GRIK2: variants seen among roughly 807,000 people sequenced by gnomAD.
GRIK2 encodes the protein glutamate receptor ionotropic, kainate 2.
Under a neutral mutation model 100.3 loss-of-function variants are expected in GRIK2, and 32 were observed. That is an observed-to-expected ratio of 0.32 (90% CI 0.24 to 0.43). The LOEUF is 0.43. Ranked by LOEUF, GRIK2 falls within the 20% of genes least tolerant of loss-of-function variation. The pLI, the probability that GRIK2 is intolerant of heterozygous loss-of-function variation, is 1.00. For missense variants in GRIK2, 843 were observed against 1,114.9 expected (o/e 0.76, Z 3.47); for synonymous variants, 417 against 389.4 (o/e 1.07, Z -0.83).
At chr6:101,524,999 C>T (rs996976711) in intron 2 of GRIK2, among the ~76,000 whole-genome samples, 1 of 152,118 alleles carries the variant, frequency 6.6e-6, no homozygotes, top group African/African-American at 2.4e-5. Flanking sequence ...TCCCAAAGTG[C>T]TGAGATTACA....
intron 12 of GRIK2, among the ~76,000 whole-genome samples, chr6:101,923,474 A>C (rs992387363): frequency 9.9e-5 from 15 of 152,222 alleles, no homozygotes; most frequent in African/African-American, 3.4e-4. Flanking sequence ...GAACTACATT[A>C]GAGATGTTAA....
intron 15 of GRIK2, among the ~76,000 whole-genome samples, chr6:102,037,924 T>C (rs1437714129): frequency 2.6e-5 from 4 of 151,496 alleles, no homozygotes; most frequent in South Asian, 4.1e-4. Context: ...AATATGTTTT[T>C]TCCTAGGAAA....
At chr6:101,515,913 T>C (rs1448764813) in intron 2 of GRIK2, among the ~76,000 whole-genome samples, 1 of 152,182 alleles carries the variant, frequency 6.6e-6, no homozygotes, top group Non-Finnish European at 1.5e-5. Context: ...AAAAGCTCTT[T>C]AGTTTAATTA....
At chr6:101,497,096 C>A (rs1443694473) in intron 2 of GRIK2, among the ~76,000 whole-genome samples, 1 of 152,202 alleles carries the variant, frequency 6.6e-6, no homozygotes, top group Non-Finnish European at 1.5e-5. Flanking sequence ...CCTTTCCACA[C>A]CCCAAGGTAC....
intron 14 of GRIK2, among the ~76,000 whole-genome samples, chr6:101,941,750 A>G (rs773787530): frequency 2.7e-4 from 41 of 152,158 alleles, no homozygotes; most frequent in Non-Finnish European, 4.9e-4. Flanking sequence ...TAAGCAAAAG[A>G]TCTTTAATTA....
chr6:101,672,154 C>T (rs997488576), intron 4 of GRIK2, among the ~76,000 whole-genome samples: 4 of 152,120 alleles, frequency 2.6e-5, no homozygotes, highest in African/African-American at 9.7e-5. Context: ...TTACCTCCCT[C>T]CCACTGATGA....
intron 14 of GRIK2, among the ~76,000 whole-genome samples, chr6:102,015,948 T>G (rs554362571): frequency 6.6e-6 from 1 of 152,080 alleles, no homozygotes; most frequent in Non-Finnish European, 1.5e-5. Flanking sequence ...TGAACCCACC[T>G]TATATCACAA....
intron 2 of GRIK2, among the ~76,000 whole-genome samples, chr6:101,553,051 G>A (rs1043692570): frequency 1.3e-5 from 2 of 152,104 alleles, no homozygotes; most frequent in Non-Finnish European, 2.9e-5. Context: ...TCATTTAACA[G>A]TCAAGGCCAG....
At chr6:101,645,409 G>C (rs1475392216) in intron 4 of GRIK2, among the ~76,000 whole-genome samples, 1 of 151,630 alleles carries the variant, frequency 6.6e-6, no homozygotes, top group African/African-American at 2.4e-5. Context: ...CTCTTAAGTG[G>C]GAAACTACAA....
At chr6:101,756,669 G>A (rs770026619) in intron 7 of GRIK2, among the ~76,000 whole-genome samples, 7 of 152,006 alleles carry the variant, frequency 4.6e-5, no homozygotes, top group South Asian at 2.1e-4. Flanking sequence ...ACATTCAAGC[G>A]CTCTCTGAAA....
At chr6:102,006,528 T>G (rs996945042) in intron 14 of GRIK2, among the ~76,000 whole-genome samples, 2 of 151,554 alleles carry the variant, frequency 1.3e-5, no homozygotes, top group African/African-American at 4.8e-5. Context: ...CCTCCACTCC[T>G]GGCTAATTTT....
chr6:101,534,038 A>G (rs1775568453), intron 2 of GRIK2, among the ~76,000 whole-genome samples: 1 of 151,962 alleles, frequency 6.6e-6, no homozygotes, highest in Non-Finnish European at 1.5e-5. Flanking sequence ...TACTTACAAA[A>G]GCATCGCAAG....
At chr6:101,842,807 C>G (rs1317667325) in intron 10 of GRIK2, among the ~76,000 whole-genome samples, 1 of 152,046 alleles carries the variant, frequency 6.6e-6, no homozygotes, top group Non-Finnish European at 1.5e-5. Context: ...AGTGTCTGAT[C>G]AACTTTTGAG....
At chr6:101,607,278 A>C (rs867272850) in intron 2 of GRIK2, among the ~76,000 whole-genome samples, 4 of 152,030 alleles carry the variant, frequency 2.6e-5, no homozygotes, top group Middle Eastern at 6.8e-3. Context: ...TTTTGACAGG[A>C]TTGGACGAGG....
chr6:101,429,563 CT>C (rs1475956058), intron 2 of GRIK2, among the ~76,000 whole-genome samples: 1 of 152,082 alleles, frequency 6.6e-6, no homozygotes, highest in Non-Finnish European at 1.5e-5. Context: ...TAATTAACAT[CT>C]TTTCTCTCAG....
At chr6:101,704,727 T>C (rs1442946508) in intron 7 of GRIK2, among the ~76,000 whole-genome samples, 4 of 151,330 alleles carry the variant, frequency 2.6e-5, no homozygotes, top group Non-Finnish European at 5.9e-5. Flanking sequence ...AAGGAGGTTC[T>C]TTCCATGAAA....
chr6:101,559,627 A>G (rs757196163), intron 2 of GRIK2, among the ~76,000 whole-genome samples: 1 of 152,158 alleles, frequency 6.6e-6, no homozygotes, highest in Non-Finnish European at 1.5e-5. Flanking sequence ...CTTTTCAAAT[A>G]TTTATTATTT....
chr6:101,867,791 TGTG>T (rs1785149666), intron 11 of GRIK2, among the ~76,000 whole-genome samples: 1 of 151,340 alleles, frequency 6.6e-6, no homozygotes, highest in Admixed American at 6.6e-5. Flanking sequence ...TTTTTTTTGC[TGTG>T]ATGTATTCTG....
chr6:101,489,978 G>A lies in GRIK2; in HGVS notation c.115+90586G>A, dbSNP rs1027581253. ...AGAAAGAAAAAATGTTAAAGTGCTA[G>A]TGATATTTTTAAATGACTATAGCTG... is the stretch of plus-strand genomic sequence containing the variant. On this transcript the variant is annotated intron_variant, in intron 2 of 16. Coordinates refer to ENST00000369134, the MANE Select transcript of GRIK2 (RefSeq NM_021956.5). Among the ~76,000 whole-genome samples, 2 of 146,508 alleles carry A rather than the reference G, an allele frequency of 1.4e-5. 1 individual carries two copies. The highest frequency in any genetic ancestry group is 5.2e-5 in the African/African-American group (2 of 38,508).
Sources: gnomAD v4.1 joint callset for allele counts (sites outside exome capture counted in the v4.1 genomes callset) on GRCh38, gnomAD v4.1.1 for gene constraint, MANE v1.5 for transcripts, NCBI Gene and HGNC (gene_info 2026-07-23, HGNC 2026-07-21) for gene names.